EP300: variants seen among roughly 807,000 people sequenced by gnomAD.
EP300 encodes the protein EP300 lysine acetyltransferase, also known as histone acetyltransferase p300.
A neutral mutation model predicts 264.0 loss-of-function variants in EP300; 31 were observed. The ratio of observed to expected loss-of-function variants is 0.12; its 90% confidence interval spans 0.09 to 0.16. EP300 has a LOEUF of 0.16. Among genes scored for constraint, EP300 ranks in the 10% least tolerant of loss-of-function variants. EP300 has a pLI of 1.00. For synonymous variants in EP300, 1,340 were observed against 1,045.4 expected (o/e 1.28, Z -5.44); for missense variants, 2,766 against 3,052.9 (o/e 0.91, Z 2.21).
Position 41,177,102 on chromosome 22 carries a change from G to A in EP300, c.5391G>A (p.Gln1797=), listed in dbSNP as rs1014464615. The A allele has an allele frequency of 5.6e-6, 9 of 1,614,022 alleles. No individual in the cohort carries two copies. The African/African-American group carries it at 1.2e-4, about 22-fold the overall frequency. The change falls in exon 31 of 31, where the codon CAG becomes CAA. Residue 1797 remains glutamine (Q), a synonymous_variant. Coordinates refer to ENST00000263253, the MANE Select transcript of EP300 (RefSeq NM_001429.4). The stretch of plus-strand genomic sequence containing the variant: ...GCTGCTACCATGCCAAGCACTGCCA[G>A]GAGAACAAATGCCCGGTGCCGTTCT... ...ALCCYHAKHC[Q]ENKCPVPFCL... is the part of the protein sequence containing the mutation.
At chr22:41,145,406 C>T (rs1327941468) in intron 10 of EP300, among the ~76,000 whole-genome samples, 7 of 152,214 alleles carry the variant, frequency 4.6e-5, no homozygotes, top group Non-Finnish European at 1.0e-4. Context: ...AAGGGATGGA[C>T]ATCTCCTTAG....
In EP300 at chr22:41,178,686, C is replaced by T. The variant is rs200271896; in HGVS notation, c.6975C>T (p.Ser2325=). The part of the protein sequence containing the change: ...SPRPQSQPPH[S]SPSPRMQPQP... ...GGCCACAGTCCCAGCCCCCCCACTCCAGTCCTTCCCCAAGGATGCAGCCTC... is the reference window on the plus strand; with the variant it reads ...GGCCACAGTCCCAGCCCCCCCACTCTAGTCCTTCCCCAAGGATGCAGCCTC... Residue 2325 remains serine (S), a synonymous_variant, in exon 31 of 31, where the codon TCC becomes TCT. Coordinates refer to ENST00000263253, the MANE Select transcript of EP300 (RefSeq NM_001429.4). 6 of 1,614,192 alleles carry T rather than the reference C, an allele frequency of 3.7e-6. No homozygotes were observed. Among genetic ancestry groups the T allele is most frequent in the South Asian group, 3.3e-5 (3 of 91,084 alleles).
chr22:41,131,547 C>T lies in EP300; in HGVS notation c.1442C>T (p.Pro481Leu), dbSNP rs533244094. 1.7e-5 allele frequency: 27 copies of T among 1,613,882 alleles called. No homozygotes were observed. The highest frequency in any genetic ancestry group is 5.0e-5 in the Admixed American group (3 of 59,946). Residue 481 changes from proline (P) to leucine (L), a missense_variant, in exon 6 of 31, where the codon CCG becomes CTG. Transcript: ENST00000263253. ...CTACCCTATCAAGTAAATCAGATGC[C>T]GACACAACCCCAGGTGCAAGCAAAG... is the stretch of plus-strand genomic sequence containing the variant. ...LGLPYQVNQM[P>L]TQPQVQAKNQ...
At chr22:41,131,965 A>G (rs1156947993) in intron 6 of EP300, among the ~76,000 whole-genome samples, 1 of 152,150 alleles carries the variant, frequency 6.6e-6, no homozygotes, top group Non-Finnish European at 1.5e-5. Context: ...TGGGAGGCCA[A>G]GGTGGGTGGA....
rs1339471238 is a variant in EP300 at position 41,176,444 on chromosome 22, C to T, written c.4977C>T (p.His1659=). The T allele has an allele frequency of 1.9e-6, 3 of 1,614,072 alleles. No individual in the cohort carries two copies. Among genetic ancestry groups the T allele is most frequent in the Admixed American group, 1.7e-5 (1 of 60,004 alleles). ...CCATGTGCATGCTGGTGGAGCTGCACACGCAGAGCCAGGACCGCTTTGTCT... is the reference window on the plus strand; with the variant it reads ...CCATGTGCATGCTGGTGGAGCTGCATACGCAGAGCCAGGACCGCTTTGTCT... ...WSTMCMLVEL[H]TQSQDRFVYT... Residue 1659 remains histidine (H), a synonymous_variant, in exon 30 of 31, where the codon CAC becomes CAT. Coordinates refer to ENST00000263253, the MANE Select transcript of EP300 (RefSeq NM_001429.4).
At chr22:41,100,338 C>G (rs867809615) in intron 1 of EP300, among the ~76,000 whole-genome samples, 4 of 152,164 alleles carry the variant, frequency 2.6e-5, no homozygotes, top group Non-Finnish European at 2.9e-5. Flanking sequence ...TAAGGATGAA[C>G]TCCTGTATAG....
intron 29 of EP300, among the ~76,000 whole-genome samples, chr22:41,175,447 C>T (rs1358152201): frequency 6.6e-6 from 1 of 152,112 alleles, no homozygotes; most frequent in Non-Finnish European, 1.5e-5. Context: ...GCTTTTTATA[C>T]CTTTTACACT....
intron 10 of EP300, among the ~76,000 whole-genome samples, chr22:41,145,389 TTGTC>T (rs2059004889): frequency 6.6e-6 from 1 of 152,200 alleles, no homozygotes; most frequent in Admixed American, 6.5e-5. Context: ...AGGTTGAAAT[TTGTC>T]TGAAGGGATG....
chr22:41,137,335 C>T (rs774746664), intron 7 of EP300, among the ~76,000 whole-genome samples: 23 of 107,154 alleles, frequency 2.1e-4, no homozygotes, highest in Non-Finnish European at 3.3e-4. Flanking sequence ...CCAGCCTGGG[C>T]AACAGAGCAA....
intron 19 of EP300, 125 bp from the exon 20 acceptor site, chr22:41,160,517 T>C: frequency 2.5e-6 from 2 of 803,680 alleles, no homozygotes; most frequent in South Asian, 1.4e-5. Context: ...CTTGTCGCCG[T>C]TGATGACCTG....
At chr22:41,139,349 A>G (rs1374960295) in intron 8 of EP300, among the ~76,000 whole-genome samples, 1 of 152,208 alleles carries the variant, frequency 6.6e-6, no homozygotes, top group Non-Finnish European at 1.5e-5. Flanking sequence ...AGAATAACCG[A>G]TCTCTTATTT....
Position 41,093,139 on chromosome 22 carries a change from CT to C in EP300, c.94+45del, listed in dbSNP as rs775203972. ...CCCGGCCTTCCACGTTCCCTTTAAT[CT>C]TTTCTACTCGGTGCGCCTTTATTCT... On this transcript the variant is annotated intron_variant, in intron 1 of 30. Transcript: ENST00000263253. 5.9e-5 allele frequency: 93 copies of C among 1,581,916 alleles called. 1 individual carries two copies. The East Asian group carries it at 2.0e-3, about 34-fold the overall frequency.
At chr22:41,117,851 TC>T (rs1569090741) in intron 2 of EP300, 30 bp downstream of exon 2, 2 of 1,612,778 alleles carry the variant, frequency 1.2e-6, no homozygotes, top group Non-Finnish European at 1.7e-6. Context: ...GTGTGCACAA[TC>T]GGCATGCATG....
intron 9 of EP300, among the ~76,000 whole-genome samples, chr22:41,140,615 CG>C (rs998747107): frequency 6.6e-5 from 10 of 151,820 alleles, no homozygotes; most frequent in Non-Finnish European, 1.2e-4. Flanking sequence ...GAGACCAGCC[CG>C]GGCAACATAG....
chr22:41,150,327 T>G, intron 14 of EP300, 129 bp downstream of exon 14: 1 of 1,169,324 alleles, frequency 8.6e-7, no homozygotes, highest in East Asian at 2.6e-5. Flanking sequence ...TGTAATCTAT[T>G]TTTCATTAGG....
At chr22:41,110,013 C>T (rs1267972212) in intron 1 of EP300, among the ~76,000 whole-genome samples, 4 of 151,526 alleles carry the variant, frequency 2.6e-5, no homozygotes, top group Non-Finnish European at 5.9e-5. Context: ...GGGGTTTCAC[C>T]ATCTTGGCCA....
intron 1 of EP300, among the ~76,000 whole-genome samples, chr22:41,110,149 A>G (rs1290328319): frequency 1.8e-5 from 2 of 108,626 alleles, no homozygotes; most frequent in Non-Finnish European, 3.5e-5. Context: ...AGTTATTGAG[A>G]CAGAGCCTCA....
At chr22:41,149,535 A>G (rs2059030985) in intron 13 of EP300, among the ~76,000 whole-genome samples, 1 of 152,200 alleles carries the variant, frequency 6.6e-6, no homozygotes, top group Non-Finnish European at 1.5e-5. Flanking sequence ...GCGGTGGCTG[A>G]GGCCATTCTG....
Position 41,093,067 on chromosome 22 carries a change from G to C in EP300, c.63G>C (p.Pro21=), listed in dbSNP as rs757050695. Residue 21 remains proline, a synonymous_variant, in exon 1 of 31, where the codon CCG becomes CCC. Transcript: ENST00000263253. The part of the protein sequence containing the change: ...PSAKRPKLSS[P]ALSASASDGT... ...CCAAGCGGCCTAAACTCTCATCTCC[G>C]GCCCTCTCGGCGTCCGCCAGCGATG... The C allele has an allele frequency of 1.9e-5, 31 of 1,613,946 alleles. No individual in the cohort carries two copies. The highest frequency in any genetic ancestry group is 2.6e-5 in the Non-Finnish European group (31 of 1,180,032).
Sources: gnomAD v4.1 joint callset for allele counts (sites outside exome capture counted in the v4.1 genomes callset) on GRCh38, gnomAD v4.1.1 for gene constraint, MANE v1.5 for transcripts, NCBI Gene and HGNC (gene_info 2026-07-23, HGNC 2026-07-21) for gene names.